DAB1: variants seen among roughly 807,000 people sequenced by gnomAD.
The protein encoded by DAB1 is disabled homolog 1.
In DAB1, 15 loss-of-function variants were observed where a neutral mutation model predicts 64.6. The observed-to-expected ratio is 0.23, with a 90% CI of 0.16 to 0.36. The LOEUF is 0.36. Ranked by LOEUF, DAB1 falls within the 10% of genes least tolerant of loss-of-function variation. DAB1 has a pLI of 1.00. For missense variants in DAB1, 596 were observed against 706.7 expected (o/e 0.84, Z 1.78); for synonymous variants, 235 against 251.9 (o/e 0.93, Z 0.64).
At chr1:57,768,650 G>T (rs2101827477) in intron 6 of DAB1, among the ~76,000 whole-genome samples, 1 of 151,330 alleles carries the variant, frequency 6.6e-6, no homozygotes, top group South Asian at 2.1e-4. Flanking sequence ...TTGTGAGTTT[G>T]ATATACAGGC....
intron 5 of DAB1, among the ~76,000 whole-genome samples, chr1:58,031,824 G>T (rs1053682016): frequency 6.6e-6 from 1 of 152,106 alleles, no homozygotes. Flanking sequence ...GCTGAGGAAG[G>T]TTTAGACTCT....
intron 1 of DAB1, among the ~76,000 whole-genome samples, chr1:57,416,752 C>G (rs2101074728): frequency 1.3e-5 from 2 of 152,278 alleles, no homozygotes; most frequent in South Asian, 4.1e-4. Context: ...CCACAGCAGA[C>G]TGAACACATT....
chr1:57,249,651 C>T (rs946204897), intron 2 of DAB1, among the ~76,000 whole-genome samples: 3 of 152,202 alleles, frequency 2.0e-5, no homozygotes, highest in Non-Finnish European at 2.9e-5. Context: ...AGATTACAGG[C>T]ATGAGCCACC....
chr1:57,719,418 A>G (rs897107467), intron 6 of DAB1, among the ~76,000 whole-genome samples: 1 of 152,194 alleles, frequency 6.6e-6, no homozygotes, highest in Non-Finnish European at 1.5e-5. Flanking sequence ...CTCCAAGTTC[A>G]GATGTGGTCT....
chr1:57,029,455 A>G (rs1646898718), intron 9 of DAB1, among the ~76,000 whole-genome samples: 1 of 152,180 alleles, frequency 6.6e-6, no homozygotes, highest in Non-Finnish European at 1.5e-5. Context: ...AGCTCTGCTT[A>G]GTGGAGCTGT....
intron 2 of DAB1, among the ~76,000 whole-genome samples, chr1:58,515,747 A>C (rs189562934): frequency 9.2e-5 from 14 of 152,320 alleles, no homozygotes; most frequent in Non-Finnish European, 1.8e-4. Flanking sequence ...TACTAACCTG[A>C]AAAATAAGAA....
intron 5 of DAB1, among the ~76,000 whole-genome samples, chr1:58,072,336 C>T (rs917423437): frequency 2.0e-5 from 3 of 152,104 alleles, no homozygotes; most frequent in Admixed American, 6.6e-5. Context: ...TATCTTCACA[C>T]CAATATGGAG....
upstream of DAB1, among the ~76,000 whole-genome samples, chr1:57,426,606 C>G (rs1685295163): frequency 6.6e-6 from 1 of 151,804 alleles, no homozygotes; most frequent in Non-Finnish European, 1.5e-5. Context: ...AAAATAAGAA[C>G]AGCAAAGATG....
intron 4 of DAB1, among the ~76,000 whole-genome samples, chr1:57,107,521 C>T (rs1448636336): frequency 6.6e-6 from 1 of 151,884 alleles, no homozygotes; most frequent in East Asian, 1.9e-4. Context: ...AGAGGAGGAG[C>T]CACAGGGATA....
intron 2 of DAB1, among the ~76,000 whole-genome samples, chr1:57,215,997 C>A (rs1666397595): frequency 6.6e-6 from 1 of 152,134 alleles, no homozygotes; most frequent in Admixed American, 6.5e-5. Context: ...ATGAATCAGA[C>A]CAAAGCAGGC....
rs74466341 is a variant in DAB1 at position 57,328,567 on chromosome 1, C to T, written c.-136-37401G>A. Among the ~76,000 whole-genome samples, 670 of 152,256 alleles carry T rather than the reference C, an allele frequency of 4.4e-3. 25 individuals are homozygous for T. The East Asian group carries it at 0.089, about 20-fold the overall frequency. On this transcript the variant is annotated intron_variant, in intron 1 of 14. Transcript: ENST00000371236. ...ATTAAATTGTGTGTCCATGTCATTGCCTTGGTCACATTTACTTCAAACATT... is the reference window on the plus strand; with the variant it reads ...ATTAAATTGTGTGTCCATGTCATTGTCTTGGTCACATTTACTTCAAACATT...
intron 7 of DAB1, among the ~76,000 whole-genome samples, chr1:57,463,549 C>T (rs1570544012): frequency 6.6e-5 from 10 of 152,106 alleles, no homozygotes; most frequent in Admixed American, 6.6e-4. Flanking sequence ...CTTTTTACTG[C>T]CCTGCTGTTC....
At chr1:57,290,852 A>G in intron 2 of DAB1, 112 bp downstream of exon 2, 1 of 601,938 alleles carries the variant, frequency 1.7e-6, no homozygotes, top group South Asian at 2.6e-5. Context: ...CAAAATAACT[A>G]TTTAAAAATA....
upstream of DAB1, among the ~76,000 whole-genome samples, chr1:57,887,823 T>C (rs1041662236): frequency 1.3e-5 from 2 of 152,214 alleles, no homozygotes; most frequent in African/African-American, 4.8e-5. Context: ...TTAAAATTAA[T>C]GGTGTTGGTT....
intron 7 of DAB1, among the ~76,000 whole-genome samples, chr1:57,536,011 C>G (rs1402202935): frequency 6.6e-6 from 1 of 152,168 alleles, no homozygotes; most frequent in African/African-American, 2.4e-5. Flanking sequence ...GCTTGGAAAC[C>G]TGTAGCAGCA....
At chr1:57,236,367 G>A (rs925765268) in intron 2 of DAB1, among the ~76,000 whole-genome samples, 2 of 152,090 alleles carry the variant, frequency 1.3e-5, no homozygotes, top group Non-Finnish European at 2.9e-5. Flanking sequence ...AGATCACTTC[G>A]GCCGGACCTG....
In DAB1 at chr1:58,261,708, T is replaced by TTTTTTG. The variant is rs150081832; in HGVS notation, n.309+81638_309+81643dup. The stretch of plus-strand genomic sequence containing the variant: ...AAGACAAGCTTTGAGATCAATTTGT[T>TTTTTTG]TTTTTGTTTTTGTTTTTGTTTTTGT... On this transcript the variant is annotated intron_variant and non_coding_transcript_variant, in intron 4 of 20. Transcript: ENST00000485760. Among the ~76,000 whole-genome samples the TTTTTTG allele has an allele frequency of 9.8e-4, 149 of 152,122 alleles. 1 individual carries two copies. The highest frequency in any genetic ancestry group is 2.7e-3 in the African/African-American group (110 of 41,468).
intron 2 of DAB1, among the ~76,000 whole-genome samples, chr1:57,228,754 C>T (rs533427724): frequency 1.3e-5 from 2 of 152,220 alleles, no homozygotes; most frequent in African/African-American, 4.8e-5. Flanking sequence ...AATATCCTCT[C>T]ACATGAGGCC....
intron 7 of DAB1, among the ~76,000 whole-genome samples, chr1:57,442,821 T>C (rs1426598745): frequency 6.6e-6 from 1 of 152,234 alleles, no homozygotes; most frequent in African/African-American, 2.4e-5. Context: ...AAGCTGCCTA[T>C]GCAGGTGATT....
Sources: gnomAD v4.1 joint callset for allele counts (sites outside exome capture counted in the v4.1 genomes callset) on GRCh38, gnomAD v4.1.1 for gene constraint, MANE v1.5 for transcripts, NCBI Gene and HGNC (gene_info 2026-07-23, HGNC 2026-07-21) for gene names.